Variants in IFI44 observed in about 807,000 individuals in gnomAD.
IFI44 encodes the protein interferon-induced protein 44.
IFI44 carries 42 observed loss-of-function variants against 45.0 expected under a neutral mutation model. The observed-to-expected ratio is 0.93, with a 90% CI of 0.73 to 1.21. IFI44 has a LOEUF of 1.21. Ranked by LOEUF, IFI44 falls within the 50% of genes most tolerant of loss-of-function variation. The pLI, the probability that IFI44 is intolerant of heterozygous loss-of-function variation, is 0.00. For missense variants in IFI44, 623 were observed against 525.8 expected (o/e 1.18, Z -1.81); for synonymous variants, 221 against 188.6 (o/e 1.17, Z -1.41).
At chr1:78,658,303 C>G (rs188016302) in intron 5 of IFI44, among the ~76,000 whole-genome samples, 12 of 152,138 alleles carry the variant, frequency 7.9e-5, no homozygotes, top group African/African-American at 2.9e-4. Flanking sequence ...TCTATCAGTA[C>G]CATGAACAAT....
At position 78,655,531 on chromosome 1, in the gene IFI44, A is replaced by G. The variant is rs202218266; in HGVS notation, c.840+20A>G. The stretch of plus-strand genomic sequence containing the variant: ...TACCAGGTAATATTTGACTAATGAG[A>G]AATTATAACTGATTTTTAAAATGCT... On this transcript the variant is annotated intron_variant, in intron 5 of 8. Transcript: ENST00000370747. 4.4e-5 allele frequency: 69 copies of G among 1,577,218 alleles called. 1 individual carries two copies. In the African/African-American group the frequency reaches 6.7e-4, roughly 15 times the overall value.
intron 2 of IFI44, among the ~76,000 whole-genome samples, chr1:78,653,193 A>T (rs979996580): frequency 1.3e-5 from 2 of 151,026 alleles, no homozygotes; most frequent in African/African-American, 4.9e-5. Flanking sequence ...ATTCTTTTTT[A>T]TTCTATTTTC....
intron 2 of IFI44, 70 bp from the exon 3 acceptor site, chr1:78,654,173 T>TATTC (rs1433651447): frequency 2.4e-6 from 2 of 838,744 alleles, no homozygotes; most frequent in Admixed American, 1.7e-5. Context: ...AATTCACTGA[T>TATTC]ATTCATTCAT....
chr1:78,655,956 G>A (rs1212174286), intron 5 of IFI44, among the ~76,000 whole-genome samples: 1 of 152,116 alleles, frequency 6.6e-6, no homozygotes, highest in African/African-American at 2.4e-5. Context: ...TAGCGACTTT[G>A]GGAGGTAATT....
intron 3 of IFI44, 88 bp downstream of exon 3, chr1:78,654,367 A>G (rs1239695902): frequency 1.4e-6 from 1 of 695,690 alleles, no homozygotes; most frequent in Non-Finnish European, 2.6e-6. Flanking sequence ...TTGGCAACAC[A>G]TATTATCACA....
chr1:78,661,027 G>T (rs1223543493), intron 7 of IFI44, among the ~76,000 whole-genome samples: 1 of 152,084 alleles, frequency 6.6e-6, no homozygotes, highest in Non-Finnish European at 1.5e-5. Flanking sequence ...TTAATGACAA[G>T]AAAATAACCT....
chr1:78,655,457 G>A lies in IFI44; in HGVS notation c.786G>A (p.Leu262=). 1.2e-6 allele frequency: 2 copies of A among 1,613,846 alleles called. No individual in the cohort carries two copies. The highest frequency in any genetic ancestry group is 1.7e-6 in the Non-Finnish European group (2 of 1,179,804). Residue 262 remains leucine, a synonymous_variant, in exon 5 of 9, where the codon CTG becomes CTA. Coordinates refer to ENST00000370747, the MANE Select transcript of IFI44 (RefSeq NM_006417.5). ...GGCTGAGTGAGAAAGAAGGCGGCCT[G>A]TGCAGGGATGACATATTCTATATCT... is the stretch of plus-strand genomic sequence containing the variant. The part of the protein sequence containing the change: ...SLGLSEKEGG[L]CRDDIFYILN...
rs370797895 is a variant in IFI44, at chr1:78,661,542, T to TTAC, written c.1113+890_1113+892dup. On this transcript the variant is annotated intron_variant, in intron 7 of 8. Transcript: ENST00000370747. ...TTATCTTTAAGGTTGAGCCAGTGTG[T>TTAC]TACTCTCTTATCAGCTACACAGATC... Among the ~76,000 whole-genome samples the TTAC allele has an allele frequency of 5.6e-3, 857 of 152,280 alleles. 5 individuals carry two copies. Among genetic ancestry groups the TTAC allele is most frequent in the African/African-American group, 0.015 (604 of 41,548 alleles).
At chr1:78,655,543 AT>A (rs777002532) in intron 5 of IFI44, 32 bp downstream of exon 5, 1 of 1,554,438 alleles carries the variant, frequency 6.4e-7, no homozygotes, top group African/African-American at 1.4e-5. Context: ...ATTATAACTG[AT>A]TTTTAAAATG....
chr1:78,659,136 A>G (rs528024514), intron 5 of IFI44, among the ~76,000 whole-genome samples, 176 bp from the exon 6 acceptor site: 1 of 152,068 alleles, frequency 6.6e-6, no homozygotes, highest in Non-Finnish European at 1.5e-5. Context: ...ACTAGGTGAA[A>G]GGACTGCTGG....
intron 8 of IFI44, 88 bp from the exon 9 acceptor site, chr1:78,663,677 G>A: frequency 6.4e-7 from 1 of 1,552,742 alleles, no homozygotes; most frequent in Non-Finnish European, 8.7e-7. Context: ...AGCGTTGGTT[G>A]AGATTTTCAG....
In IFI44 at chr1:78,650,482, C is replaced by A; in HGVS notation, c.287C>A (p.Thr96Lys). 6.2e-7 allele frequency: 1 copy of A among 1,614,024 alleles called. No homozygotes were observed. The highest frequency in any genetic ancestry group is 8.5e-7 in the Non-Finnish European group (1 of 1,179,932). ...TCAGAATGGAAACTAGGACTATGTA[C>A]ACCAGAAACACTGTTTTGTTGTGAT... ...KISEWKLGLC[T>K]PETLFCCDVT... is the part of the protein sequence containing the mutation. Residue 96 changes from threonine to lysine, a missense_variant, in exon 2 of 9, where the codon ACA (threonine) becomes AAA (lysine). Coordinates refer to ENST00000370747, the MANE Select transcript of IFI44 (RefSeq NM_006417.5).
intron 5 of IFI44, among the ~76,000 whole-genome samples, chr1:78,656,672 G>T: frequency 6.7e-6 from 1 of 150,250 alleles, no homozygotes; most frequent in Non-Finnish European, 1.5e-5. Context: ...GGTTTTTTGT[G>T]CTTTGTTTGA....
chr1:78,659,426 T>A lies in IFI44; in HGVS notation c.955T>A (p.Phe319Ile). The change falls in exon 6 of 9, where the codon TTC (phenylalanine) becomes ATC (isoleucine). Residue 319 changes from phenylalanine to isoleucine, a missense_variant. Physicochemically the swap from Phe to Ile is conservative, Grantham distance 21 (BLOSUM62 0). Coordinates refer to ENST00000370747, the MANE Select transcript of IFI44 (RefSeq NM_006417.5). ...ATTTGATGCCAGCTCTATTCAATAC[T>A]TCTCCTCTCAGATGATAGTAAAGAT... ...FVFDASSIQY[F>I]SSQMIVKIKR... 6.2e-7 allele frequency: 1 copy of A among 1,613,590 alleles called. No homozygotes were observed.
rs1328591491 is a variant in IFI44 at position 78,649,881 on chromosome 1, G to A, written c.-35G>A. On this transcript the variant is annotated 5_prime_UTR_variant, in exon 1 of 9. Coordinates refer to ENST00000370747, the MANE Select transcript of IFI44 (RefSeq NM_006417.5). ...GACAGAGCAGCTACCCTCAGCTCTA[G>A]CTGATACTACAGACAGTACAACAGG... 2 of 183,918 alleles carry A rather than the reference G, an allele frequency of 1.1e-5. No homozygotes were observed. Among genetic ancestry groups the A allele is most frequent in the East Asian group, 1.3e-4 (1 of 7,500 alleles). 11.4% of individuals were successfully genotyped at this position (183,918 alleles called of 1,614,324 possible).
intron 2 of IFI44, among the ~76,000 whole-genome samples, chr1:78,652,116 C>CT (rs1647134258): frequency 6.6e-6 from 1 of 152,174 alleles, no homozygotes; most frequent in South Asian, 2.1e-4. Flanking sequence ...GACAGAGTCT[C>CT]TGTCACCCAG....
chr1:78,663,244 C>T, intron 8 of IFI44: 1 of 985,300 alleles, frequency 1.0e-6, no homozygotes, highest in Non-Finnish European at 1.2e-6. Context: ...TGCTCCTGAT[C>T]AGATGAGACC....
At chr1:78,654,798 T>A (rs563798243) in intron 3 of IFI44, among the ~76,000 whole-genome samples, 1 of 152,256 alleles carries the variant, frequency 6.6e-6, no homozygotes, top group East Asian at 1.9e-4. Flanking sequence ...AATTTAAATC[T>A]GAAAGATTTT....
intron 7 of IFI44, among the ~76,000 whole-genome samples, chr1:78,661,387 C>G (rs147189980): frequency 6.6e-6 from 1 of 151,862 alleles, no homozygotes; most frequent in East Asian, 1.9e-4. Context: ...TTTTTTGAGC[C>G]TTAGTTGAAC....
Sources: allele counts gnomAD v4.1 joint callset (sites outside exome capture counted in the v4.1 genomes callset), GRCh38; gene constraint gnomAD v4.1.1; transcripts MANE v1.5; gene names NCBI Gene and HGNC (gene_info 2026-07-23, HGNC 2026-07-21).